PFKFB4: variants seen among roughly 807,000 people sequenced by gnomAD.
PFKFB4 encodes the protein 6-phosphofructo-2-kinase/fructose-2,6-bisphosphatase 4.
A neutral mutation model predicts 62.8 loss-of-function variants in PFKFB4; 42 were observed. That is an observed-to-expected ratio of 0.67 (90% confidence interval 0.52 to 0.86). The LOEUF (loss-of-function observed/expected upper bound fraction) is 0.86. Ranked by LOEUF, PFKFB4 falls within the 40% of genes least tolerant of loss-of-function variation. The pLI is 0.00. For missense variants in PFKFB4, 475 were observed against 627.2 expected, an observed-to-expected ratio of 0.76 and a Z score of 2.59; for synonymous variants, 204 against 240.7, an observed-to-expected ratio of 0.85 and a Z score of 1.41.
rs1224570634 is a variant in PFKFB4, at chr3:48,518,317, C to G, written c.*1430G>C. The G allele has an allele frequency of 6.6e-6, 1 of 152,588 alleles. No individual in the cohort carries two copies. Among genetic ancestry groups the G allele is most frequent in the Non-Finnish European group, 1.5e-5 (1 of 68,304 alleles). 9.5% of individuals were successfully genotyped at this position (152,588 alleles called of 1,614,324 possible). On this transcript the variant is annotated 3_prime_UTR_variant, in exon 14 of 14. Coordinates refer to ENST00000232375, the MANE Select transcript of PFKFB4 (RefSeq NM_004567.4). The stretch of plus-strand genomic sequence containing the variant: ...AACTTCTCTCAGGGACAGGTGGCAT[C>G]TGCAGGCTGCAAAGCCCTGGGAGGC...
chr3:48,563,133 C>A, upstream of PFKFB4: 1 of 1,604,626 alleles, frequency 6.2e-7, no homozygotes, highest in South Asian at 1.1e-5. This position sits in a 1 kb window ranked among gnomAD's most constrained non-coding sequence, Gnocchi z 4.5. Context: ...ATCGTGAGGT[C>A]AGGCTGCAAG....
intron 9 of PFKFB4, among the ~76,000 whole-genome samples, chr3:48,527,287 T>G (rs2042294233): frequency 1.3e-5 from 2 of 151,034 alleles, no homozygotes; most frequent in Non-Finnish European, 3.0e-5. Flanking sequence ...TTAGTGGTTT[T>G]TTTTTTTTTT....
chr3:48,538,726 A>T, intron 6 of PFKFB4, 107 bp from the exon 7 acceptor site: 1 of 1,431,044 alleles, frequency 7.0e-7, no homozygotes, highest in Non-Finnish European at 9.6e-7. Context: ...TGCACCGGAG[A>T]CCAGTGCGGG....
chr3:48,556,248 G>C lies in PFKFB4; in HGVS notation c.97+433C>G. ...CTTTGAAAGTTCTGGGCTCAGAGAG[G>C]CCAAGTAATTCACCTAGGGCCACAC... On this transcript the variant is annotated intron_variant, in intron 1 of 13. Transcript: ENST00000232375. This position sits in a 1 kb window ranked among gnomAD's most constrained non-coding sequence, Gnocchi z 5.7. The C allele has an allele frequency of 2.1e-6, 1 of 469,970 alleles. No individual in the cohort carries two copies. The highest frequency in any genetic ancestry group is 4.2e-6 in the Non-Finnish European group (1 of 236,224). 29.1% of individuals were successfully genotyped at this position (469,970 alleles called of 1,614,324 possible). A position where few individuals can be genotyped will look rare whatever the true frequency, so the allele number is the denominator to read the frequency against.
chr3:48,519,612 T>C lies in PFKFB4; in HGVS notation c.*135A>G. Reference sequence around the variant, plus strand: ...GCCAGGTGGGCTGGGGTGGGGGCTCTGGGTTCCGCCAGCCATGTGTGGCTT... The same window carrying C: ...GCCAGGTGGGCTGGGGTGGGGGCTCCGGGTTCCGCCAGCCATGTGTGGCTT... On this transcript the variant is annotated 3_prime_UTR_variant, in exon 14 of 14. Coordinates refer to ENST00000232375, the MANE Select transcript of PFKFB4 (RefSeq NM_004567.4). The C allele has an allele frequency of 1.4e-6, 1 of 709,370 alleles. No individual in the cohort carries two copies. The highest frequency in any genetic ancestry group is 2.4e-6 in the Non-Finnish European group (1 of 409,034). 43.9% of individuals were successfully genotyped at this position (709,370 alleles called of 1,614,324 possible).
intron 9 of PFKFB4, among the ~76,000 whole-genome samples, chr3:48,533,790 G>C (rs895159450): frequency 1.3e-5 from 2 of 152,188 alleles, no homozygotes; most frequent in Non-Finnish European, 2.9e-5. Flanking sequence ...GGAGACGAAG[G>C]TGGCAGTGAG....
chr3:48,523,205 G>C (rs533953731), intron 12 of PFKFB4, among the ~76,000 whole-genome samples: 40 of 152,160 alleles, frequency 2.6e-4, no homozygotes, highest in Admixed American at 1.2e-3. Flanking sequence ...ACAACATGGT[G>C]ACACTCTGTC....
intron 3 of PFKFB4, among the ~76,000 whole-genome samples, chr3:48,549,459 G>C (rs930340116): frequency 1.3e-5 from 2 of 152,034 alleles, no homozygotes; most frequent in African/African-American, 4.8e-5. Flanking sequence ...CATCCCCACG[G>C]GGCGCTGGGG....
In PFKFB4 at chr3:48,543,610, C is replaced by G; in HGVS notation, c.348G>C (p.Arg116=). The G allele has an allele frequency of 6.2e-7, 1 of 1,612,370 alleles. No individual in the cohort carries two copies. ...CATGTCCCCCCTCCTCACTAAGGAACCGCCGGACGTCACGGAGGGCTGCCA... is the reference window on the plus strand; with the variant it reads ...CATGTCCCCCCTCCTCACTAAGGAAGCGCCGGACGTCACGGAGGGCTGCCA... ...CALAALRDVR[R]FLSEEGGHVA... The change falls in exon 4 of 14, where the codon CGG becomes CGC. Residue 116 remains arginine (R), a synonymous_variant. Coordinates refer to ENST00000232375, the MANE Select transcript of PFKFB4 (RefSeq NM_004567.4).
chr3:48,523,111 A>G (rs967348954), intron 12 of PFKFB4, among the ~76,000 whole-genome samples: 1 of 147,200 alleles, frequency 6.8e-6, no homozygotes, highest in Non-Finnish European at 1.5e-5. Context: ...GTAGCTCATG[A>G]TGGTAGCTCA....
At chr3:48,527,877 C>T (rs1448273469) in intron 9 of PFKFB4, among the ~76,000 whole-genome samples, 2 of 151,772 alleles carry the variant, frequency 1.3e-5, no homozygotes, top group East Asian at 1.9e-4. Flanking sequence ...TTAGTAGAGA[C>T]GGGGTTTCGC....
chr3:48,519,946 G>A (rs2042044786), intron 13 of PFKFB4, 140 bp from the exon 14 acceptor site: 2 of 647,138 alleles, frequency 3.1e-6, no homozygotes, highest in South Asian at 1.8e-5. Context: ...TAGACCACAA[G>A]CTTCCCTAAG....
intron 4 of PFKFB4, among the ~76,000 whole-genome samples, chr3:48,542,849 T>C (rs541406305): frequency 6.6e-6 from 1 of 152,334 alleles, no homozygotes; most frequent in East Asian, 1.9e-4. Flanking sequence ...ATTTCAGATG[T>C]GCAAGGTCTC....
chr3:48,525,769 A>G lies in PFKFB4; in HGVS notation c.988-100T>C, dbSNP rs1575357364. The G allele has an allele frequency of 7.5e-6, 4 of 532,482 alleles. No individual in the cohort carries two copies. In the East Asian group the frequency reaches 1.4e-4, roughly 18 times the overall value. 33.0% of individuals were successfully genotyped at this position (532,482 alleles called of 1,614,324 possible). ...GCATCAAGCAGAAGAGACCAAGTTCACGGGCATTTCCTGGGTGAAGGGAAC... is the reference window on the plus strand; with the variant it reads ...GCATCAAGCAGAAGAGACCAAGTTCGCGGGCATTTCCTGGGTGAAGGGAAC... On this transcript the variant is annotated intron_variant, in intron 9 of 13. Coordinates refer to ENST00000232375, the MANE Select transcript of PFKFB4 (RefSeq NM_004567.4).
chr3:48,562,915 C>T (rs200780329), upstream of PFKFB4: 147 of 1,604,396 alleles, frequency 9.2e-5, no homozygotes, highest in Middle Eastern at 1.7e-4. This position sits in a 1 kb window ranked among gnomAD's most constrained non-coding sequence, Gnocchi z 4.3. Context: ...GGACAATGCG[C>T]GAGCCAGGGT....
At chr3:48,524,372 AT>A (rs2042191389) in intron 10 of PFKFB4, among the ~76,000 whole-genome samples, 1 of 151,996 alleles carries the variant, frequency 6.6e-6, no homozygotes, top group Non-Finnish European at 1.5e-5. Flanking sequence ...AGGTTTAGAG[AT>A]TTTCATCAGT....
intron 4 of PFKFB4, among the ~76,000 whole-genome samples, chr3:48,542,333 CAAAA>C (rs1229597350): frequency 1.7e-5 from 1 of 58,876 alleles, no homozygotes; most frequent in Non-Finnish European, 3.7e-5. Flanking sequence ...GACTCCATCT[CAAAA>C]AAAAAAAAAA....
chr3:48,538,705 C>T lies in PFKFB4; in HGVS notation c.511-86G>A, dbSNP rs1323753914. On this transcript the variant is annotated intron_variant, in intron 6 of 13. Transcript: ENST00000232375. ...ACCAAGGAGACTGCTGGGCAGGGGGCTGGAGGAGGTTGCACCGGAGACCAG... is the reference window on the plus strand; with the variant it reads ...ACCAAGGAGACTGCTGGGCAGGGGGTTGGAGGAGGTTGCACCGGAGACCAG... The T allele has an allele frequency of 2.5e-6, 4 of 1,569,940 alleles. No homozygotes were observed. The African/African-American group carries it at 5.4e-5, about 21-fold the overall frequency.
chr3:48,551,999 G>A (rs904246775), intron 1 of PFKFB4, among the ~76,000 whole-genome samples: 3 of 152,178 alleles, frequency 2.0e-5, no homozygotes, highest in Non-Finnish European at 2.9e-5. Flanking sequence ...TTCTGCAAGT[G>A]CCTTCACCTG....
Sources: gnomAD v4.1 joint callset for allele counts (sites outside exome capture counted in the v4.1 genomes callset) on GRCh38, gnomAD v4.1.1 for gene constraint, Gnocchi (gnomAD v3.1) non-coding constraint, MANE v1.5 for transcripts, NCBI Gene and HGNC (gene_info 2026-07-23, HGNC 2026-07-21) for gene names.